DLEU7: variants seen among roughly 807,000 people sequenced by gnomAD.
DLEU7 encodes the protein leukemia-associated protein 7.
Under a neutral mutation model 16.0 loss-of-function variants are expected in DLEU7, and 17 were observed. That is an observed-to-expected ratio of 1.06 (90% CI 0.73 to 1.59). The LOEUF is 1.59. Among genes scored for constraint, DLEU7 ranks in the 40% most tolerant of loss-of-function variants. The pLI is 0.00. For synonymous variants in DLEU7, 113 were observed against 139.8 expected, an observed-to-expected ratio of 0.81 and a Z score of 1.35; for missense variants, 308 against 314.9, an observed-to-expected ratio of 0.98 and a Z score of 0.17.
At chr13:50,771,983 G>T (rs985922123) in intron 1 of DLEU7, among the ~76,000 whole-genome samples, 34 of 151,950 alleles carry the variant, frequency 2.2e-4, no homozygotes, top group Non-Finnish European at 2.6e-4. Context: ...GATAGTTAGC[G>T]CTTCTTGTTG....
chr13:50,804,737 C>T lies in DLEU7; in HGVS notation c.459+38451G>A, dbSNP rs144172487. ...CTGGGATTGCAGGTAGGAGCCACCACGTCCAGCCAGTTAAAGATTTTACAT... is the reference window on the plus strand; with the variant it reads ...CTGGGATTGCAGGTAGGAGCCACCATGTCCAGCCAGTTAAAGATTTTACAT... On this transcript the variant is annotated intron_variant, in intron 1 of 1. Transcript: ENST00000400393. 1.6e-3 allele frequency among the ~76,000 whole-genome samples: 241 copies of T among 152,186 alleles called. 1 individual carries two copies. Among genetic ancestry groups the T allele is most frequent in the African/African-American group, 5.4e-3 (226 of 41,564 alleles).
chr13:50,781,203 CT>C (rs1479647641), intron 1 of DLEU7, among the ~76,000 whole-genome samples: 2 of 152,164 alleles, frequency 1.3e-5, no homozygotes, highest in Non-Finnish European at 2.9e-5. Context: ...TCTCAAAGTG[CT>C]TTTGTTCATG....
chr13:50,832,534 G>T (rs1403585922), intron 1 of DLEU7, among the ~76,000 whole-genome samples: 2 of 152,102 alleles, frequency 1.3e-5, no homozygotes, highest in Non-Finnish European at 2.9e-5. Context: ...TTTTGAAGTT[G>T]TTTGCTCTTG....
chr13:50,725,048 G>A (rs148305522), intron 1 of DLEU7, among the ~76,000 whole-genome samples: 2,200 of 151,962 alleles, frequency 0.014, 52 homozygotes, highest in African/African-American at 0.05. Context: ...CCCATGGTCC[G>A]GGCTGACTGT....
intron 1 of DLEU7, among the ~76,000 whole-genome samples, chr13:50,798,851 C>G (rs1297819545): frequency 6.6e-6 from 1 of 152,202 alleles, no homozygotes; most frequent in East Asian, 1.9e-4. Flanking sequence ...CTGGTTCCCC[C>G]TAGCTCTTGG....
At chr13:50,789,747 C>G (rs1202966676) in intron 1 of DLEU7, among the ~76,000 whole-genome samples, 2 of 152,078 alleles carry the variant, frequency 1.3e-5, no homozygotes, top group African/African-American at 4.8e-5. Context: ...TTTGTTCTAA[C>G]TTTTCATAGC....
At chr13:50,753,364 G>T (rs549564414) in intron 1 of DLEU7, among the ~76,000 whole-genome samples, 2 of 152,222 alleles carry the variant, frequency 1.3e-5, no homozygotes, top group East Asian at 3.9e-4. Flanking sequence ...AGGGGGCGGC[G>T]CTCGTTGGGG....
chr13:50,725,010 A>G (rs989028144), intron 1 of DLEU7, among the ~76,000 whole-genome samples: 1 of 152,184 alleles, frequency 6.6e-6, no homozygotes, highest in African/African-American at 2.4e-5. Context: ...ACCTGGAAAT[A>G]CTTTCCAAAC....
intron 1 of DLEU7, among the ~76,000 whole-genome samples, chr13:50,727,812 G>A (rs2137713306): frequency 6.6e-6 from 1 of 152,306 alleles, no homozygotes; most frequent in Non-Finnish European, 1.5e-5. Context: ...CTGTGACTTT[G>A]GGTTATTCTG....
intron 1 of DLEU7, among the ~76,000 whole-genome samples, chr13:50,840,377 A>G (rs1877607220): frequency 6.6e-6 from 1 of 152,178 alleles, no homozygotes. Flanking sequence ...ATTACTCTAC[A>G]AACCAAGTGG....
chr13:50,825,434 C>T (rs1877053750), intron 1 of DLEU7, among the ~76,000 whole-genome samples: 1 of 152,050 alleles, frequency 6.6e-6, no homozygotes, highest in Non-Finnish European at 1.5e-5. Context: ...TAGTAGATGG[C>T]CCACAAGTGT....
At chr13:50,719,620 G>A (rs987704374) in intron 1 of DLEU7, 1 of 152,104 alleles carries the variant, frequency 6.6e-6, no homozygotes, top group African/African-American at 2.4e-5. Context: ...GGAAACAACT[G>A]TTTTAAAATC....
At chr13:50,789,295 T>C (rs1337235199) in intron 1 of DLEU7, among the ~76,000 whole-genome samples, 1 of 150,546 alleles carries the variant, frequency 6.6e-6, no homozygotes, top group Non-Finnish European at 1.5e-5. Flanking sequence ...CTGCTGCCCG[T>C]GCTCCTGAAC....
intron 1 of DLEU7, among the ~76,000 whole-genome samples, chr13:50,786,048 C>A (rs574907177): frequency 6.6e-6 from 1 of 152,278 alleles, no homozygotes; most frequent in East Asian, 1.9e-4. Flanking sequence ...CGTTTTGAAG[C>A]AGATCATGGT....
At chr13:50,732,606 CAAAAA>C (rs58395582) in intron 1 of DLEU7, among the ~76,000 whole-genome samples, 8 of 65,950 alleles carry the variant, frequency 1.2e-4, no homozygotes, top group African/African-American at 5.0e-4. Context: ...GACTCCATCT[CAAAAA>C]AAAAAAAAAA....
intron 1 of DLEU7, among the ~76,000 whole-genome samples, chr13:50,734,183 G>A (rs1245491673): frequency 1.3e-5 from 2 of 152,142 alleles, no homozygotes; most frequent in Non-Finnish European, 2.9e-5. Flanking sequence ...ACAAATCAAG[G>A]CAAGTCACTC....
At chr13:50,815,319 C>T (rs772099305) in intron 1 of DLEU7, among the ~76,000 whole-genome samples, 8 of 151,732 alleles carry the variant, frequency 5.3e-5, no homozygotes, top group Non-Finnish European at 1.0e-4. Context: ...TAACCATTGT[C>T]GACAGAAAAA....
intron 1 of DLEU7, among the ~76,000 whole-genome samples, chr13:50,729,418 T>A (rs1333835235): frequency 2.0e-5 from 3 of 152,234 alleles, no homozygotes; most frequent in Non-Finnish European, 4.4e-5. Context: ...ACATTTTTTT[T>A]ATTCAGTCTA....
At chr13:50,797,756 G>C (rs930142201) in intron 1 of DLEU7, among the ~76,000 whole-genome samples, 2 of 151,684 alleles carry the variant, frequency 1.3e-5, no homozygotes, top group Non-Finnish European at 2.9e-5. Flanking sequence ...ATATCCCTTT[G>C]GTGTCACATA....
Sources: allele counts gnomAD v4.1 joint callset (sites outside exome capture counted in the v4.1 genomes callset), GRCh38; gene constraint gnomAD v4.1.1; transcripts MANE v1.5; gene names NCBI Gene and HGNC (gene_info 2026-07-23, HGNC 2026-07-21).